TEKTL1: variants seen among roughly 807,000 people sequenced by gnomAD.
TEKTL1 encodes tektin-like protein 1.
chr19:15,011,140 G>A, the TEKTL1 span: 1 of 1,522,088 alleles, frequency 6.6e-7, no homozygotes, highest in Non-Finnish European at 8.8e-7. Context: ...CGCCCGCCTG[G>A]TACGCCCGCC....
chr19:15,020,439 T>C, the TEKTL1 span: 1 of 1,607,750 alleles, frequency 6.2e-7, no homozygotes. Flanking sequence ...TCACTCTGTC[T>C]TCTCCTCCCC....
the TEKTL1 span, chr19:15,013,834 T>A: frequency 9.6e-7 from 1 of 1,045,480 alleles, no homozygotes; most frequent in Non-Finnish European, 1.5e-6. Flanking sequence ...GGCTGCCTAA[T>A]GGACAAACCA....
the TEKTL1 span, among the ~76,000 whole-genome samples, chr19:15,021,040 C>T: frequency 6.6e-6 from 1 of 151,936 alleles, no homozygotes; most frequent in African/African-American, 2.4e-5. Flanking sequence ...CCACCACGCC[C>T]GGCTAATTTT....
At chr19:15,021,055 T>A in the TEKTL1 span, among the ~76,000 whole-genome samples, 1 of 151,952 alleles carries the variant, frequency 6.6e-6, no homozygotes, top group Non-Finnish European at 1.5e-5. Flanking sequence ...AATTTTTGTA[T>A]TTTTAGTAGA....
chr19:15,021,353 C>G, the TEKTL1 span: 4 of 1,613,846 alleles, frequency 2.5e-6, no homozygotes, highest in Non-Finnish European at 3.4e-6. Flanking sequence ...GCATTTGCAG[C>G]GTGCGCCTTG....
At chr19:15,011,833 A>G in the TEKTL1 span, among the ~76,000 whole-genome samples, 12 of 152,098 alleles carry the variant, frequency 7.9e-5, no homozygotes, top group Admixed American at 2.6e-4. Flanking sequence ...TCACGCCTGT[A>G]ATCCCAGCAC....
At chr19:15,013,533 C>A in the TEKTL1 span, 3 of 624,126 alleles carry the variant, frequency 4.8e-6, no homozygotes, top group African/African-American at 3.7e-5. Flanking sequence ...GACACCCCAC[C>A]CAAAGGATGA....
chr19:15,021,851 A>G, the TEKTL1 span: 2 of 1,614,128 alleles, frequency 1.2e-6, no homozygotes, highest in Non-Finnish European at 1.7e-6. Flanking sequence ...AAAGCTGGAC[A>G]GACCCCTGGT....
At chr19:15,011,220 G>A in the TEKTL1 span, 2 of 1,479,904 alleles carry the variant, frequency 1.4e-6, no homozygotes, top group East Asian at 5.2e-5. Context: ...CACGCGCGTG[G>A]AGCGCGCCTC....
the TEKTL1 span, chr19:15,013,527 C>T: frequency 3.3e-6 from 2 of 614,398 alleles, no homozygotes; most frequent in East Asian, 5.6e-5. Flanking sequence ...GAGTGAGACA[C>T]CCCACCCAAA....
the TEKTL1 span, chr19:15,020,591 G>A: frequency 1.8e-5 from 29 of 1,614,002 alleles, no homozygotes; most frequent in South Asian, 2.2e-5. Flanking sequence ...AACCTCTCCC[G>A]AGCCCCCACT....
At chr19:15,011,877 C>T in the TEKTL1 span, among the ~76,000 whole-genome samples, 1 of 152,118 alleles carries the variant, frequency 6.6e-6, no homozygotes, top group Non-Finnish European at 1.5e-5. Context: ...CCGCTTGAGT[C>T]CAGGCCTTCC....
At chr19:15,021,303 TC>T in the TEKTL1 span, 7 of 1,599,424 alleles carry the variant, frequency 4.4e-6, no homozygotes, top group Non-Finnish European at 6.0e-6. Flanking sequence ...GGACAGGGGC[TC>T]TGGGAACGGA....
chr19:15,017,917 G>A, the TEKTL1 span, among the ~76,000 whole-genome samples: 6 of 152,136 alleles, frequency 3.9e-5, no homozygotes, highest in South Asian at 6.2e-4. Flanking sequence ...GAAAGGGGCC[G>A]GGTGTGGTGG....
At chr19:15,021,690 C>A in the TEKTL1 span, 2 of 1,613,968 alleles carry the variant, frequency 1.2e-6, no homozygotes, top group Admixed American at 3.3e-5. Flanking sequence ...AAGAGTTGTA[C>A]ACCACCCACG....
the TEKTL1 span, among the ~76,000 whole-genome samples, chr19:15,015,857 T>C: frequency 6.6e-6 from 1 of 152,190 alleles, no homozygotes; most frequent in Non-Finnish European, 1.5e-5. Context: ...TCTATTTTAC[T>C]ACAATAAAAA....
the TEKTL1 span, chr19:15,011,263 G>A: frequency 6.6e-7 from 1 of 1,518,448 alleles, no homozygotes; most frequent in Non-Finnish European, 8.8e-7. Context: ...CGCAGCACCA[G>A]ATTAACGGGC....
the TEKTL1 span, chr19:15,020,562 C>T: frequency 6.2e-7 from 1 of 1,614,110 alleles, no homozygotes; most frequent in Non-Finnish European, 8.5e-7. Flanking sequence ...TGGAGCAGGC[C>T]AGACGCCACT....
At chr19:15,018,084 C>G in the TEKTL1 span, among the ~76,000 whole-genome samples, 1 of 152,098 alleles carries the variant, frequency 6.6e-6, no homozygotes, top group Non-Finnish European at 1.5e-5. Flanking sequence ...ACCAATTTCT[C>G]AGAACCAATC....
Sources: allele counts gnomAD v4.1 joint callset (sites outside exome capture counted in the v4.1 genomes callset), GRCh38; gene constraint gnomAD v4.1.1; transcripts MANE v1.5; gene names NCBI Gene and HGNC (gene_info 2026-07-23, HGNC 2026-07-21).